Variants in DAB2IP observed in about 807,000 individuals in gnomAD.
The protein encoded by DAB2IP is disabled homolog 2-interacting protein.
DAB2IP carries 28 observed loss-of-function variants against 107.2 expected under a neutral mutation model. The observed-to-expected ratio is 0.26, with a 90% CI of 0.19 to 0.36. DAB2IP has a LOEUF of 0.36. DAB2IP is among the 10% of genes least tolerant of loss of function. The pLI, the probability that DAB2IP is intolerant of heterozygous loss-of-function variation, is 1.00. For synonymous variants in DAB2IP, 755 were observed against 706.4 expected, an observed-to-expected ratio of 1.07 and a Z score of -1.09; for missense variants, 1,400 against 1,644.7, an observed-to-expected ratio of 0.85 and a Z score of 2.57.
At chr9:121,778,847 A>G (rs1454197550) in intron 14 of DAB2IP, among the ~76,000 whole-genome samples, 2 of 149,374 alleles carry the variant, frequency 1.3e-5, no homozygotes, top group African/African-American at 5.0e-5. Context: ...TACTTTATGT[A>G]TCTGTTTTCC....
At chr9:121,728,316 G>A (rs112064195) in intron 3 of DAB2IP, among the ~76,000 whole-genome samples, 4,612 of 152,182 alleles carry the variant, frequency 0.03, 246 homozygotes, top group African/African-American at 0.11. Context: ...ACACCCTGTG[G>A]GCTCATCAGT....
intron 8 of DAB2IP, among the ~76,000 whole-genome samples, chr9:121,765,516 G>C (rs1243386981): frequency 1.3e-5 from 2 of 152,234 alleles, no homozygotes; most frequent in African/African-American, 4.8e-5. Context: ...AGTTGGTCAA[G>C]CCTGTTGTAG....
chr9:121,596,260 G>T (rs1027528968), intron 1 of DAB2IP, among the ~76,000 whole-genome samples: 1 of 152,226 alleles, frequency 6.6e-6, no homozygotes, highest in African/African-American at 2.4e-5. Context: ...GAACCCAGGA[G>T]ACAGAGGTTG....
upstream of DAB2IP, among the ~76,000 whole-genome samples, chr9:121,650,462 A>G (rs1011193516): frequency 3.9e-5 from 6 of 151,978 alleles, no homozygotes; most frequent in Non-Finnish European, 8.8e-5. Context: ...CACCTTCCCC[A>G]CTGTTCTGGA....
chr9:121,645,697 G>A (rs12553641), intron 1 of DAB2IP, among the ~76,000 whole-genome samples: 31,439 of 152,124 alleles, frequency 0.21, 4,007 homozygotes, highest in South Asian at 0.39. Flanking sequence ...GGTCCTCTGG[G>A]TAAGCAGCTG....
intron 2 of DAB2IP, among the ~76,000 whole-genome samples, chr9:121,688,671 C>T (rs374832999): frequency 1.5e-4 from 23 of 152,342 alleles, no homozygotes; most frequent in Middle Eastern, 3.4e-3. Context: ...TCCCACCAGA[C>T]GGTGGTCACC....
At chr9:121,680,282 T>C (rs1828516598) in intron 2 of DAB2IP, among the ~76,000 whole-genome samples, 1 of 152,232 alleles carries the variant, frequency 6.6e-6, no homozygotes, top group Admixed American at 6.5e-5. Flanking sequence ...CAGTATGTTA[T>C]AAAAATGCCT....
In DAB2IP at chr9:121,774,301, C is replaced by T. The variant is rs141080470; in HGVS notation, c.3009C>T (p.Ala1003=). The change falls in exon 13 of 16, where the codon GCC becomes GCT. Residue 1003 remains alanine (A), a synonymous_variant. Transcript: ENST00000408936. Reference sequence around the variant, plus strand: ...GCCCCAATGCCCTGGACCGCACAGCCGCTTGGCTCTTGACCATGAACGCGC... The same window carrying T: ...GCCCCAATGCCCTGGACCGCACAGCTGCTTGGCTCTTGACCATGAACGCGC... 4.0e-5 allele frequency: 64 copies of T among 1,613,472 alleles called. No homozygotes were observed. The highest frequency in any genetic ancestry group is 1.6e-4 in the Middle Eastern group (1 of 6,080).
At chr9:121,610,055 T>G (rs2118973139) in intron 1 of DAB2IP, among the ~76,000 whole-genome samples, 1 of 32,698 alleles carries the variant, frequency 3.1e-5, no homozygotes, top group South Asian at 2.6e-3. Flanking sequence ...TGATTTTGTG[T>G]ATGTGTGTGT....
chr9:121,757,924 G>A lies in DAB2IP; in HGVS notation c.516+758G>A, dbSNP rs144024351. Among the ~76,000 whole-genome samples the A allele has an allele frequency of 1.5e-3, 235 of 152,354 alleles. 2 individuals carry two copies. Among genetic ancestry groups the A allele is most frequent in the African/African-American group, 5.5e-3 (229 of 41,586 alleles). The stretch of plus-strand genomic sequence containing the variant: ...GAAAAGCAGCCACTTGGGGACTAGT[G>A]TGACAATCTCCTGGCACCCCCAGCC... On this transcript the variant is annotated intron_variant, in intron 4 of 15. Transcript: ENST00000408936.
chr9:121,648,966 A>G (rs2119053958), upstream of DAB2IP, among the ~76,000 whole-genome samples: 1 of 152,280 alleles, frequency 6.6e-6, no homozygotes, highest in East Asian at 1.9e-4. Flanking sequence ...ATGGGGGGCC[A>G]GTTTCCCAGC....
rs190304960 is a variant in DAB2IP, at chr9:121,667,935, C to T, written c.125-10743C>T. 3.4e-3 allele frequency among the ~76,000 whole-genome samples: 518 copies of T among 152,156 alleles called. 1 individual carries two copies. Among genetic ancestry groups the T allele is most frequent in the African/African-American group, 0.012 (496 of 41,516 alleles). ...GGCTGGGGAGGACTCAGAATCATGG[C>T]GGGAGGTGAAAGGCACTTCTTACAT... On this transcript the variant is annotated intron_variant, in intron 1 of 15. Transcript: ENST00000408936.
rs1156246932 is a variant in DAB2IP, at chr9:121,736,354, C to T, written c.363-20659C>T. ...GGGCCGGTGGGGACCCAGACTCGCA[C>T]GAAGGTGGGGAAGGAGTTGCAAGGC... On this transcript the variant is annotated intron_variant, in intron 3 of 15. Transcript: ENST00000408936. This position sits in a 1 kb window ranked among gnomAD's most constrained non-coding sequence, Gnocchi z 4.6. 2.0e-5 allele frequency among the ~76,000 whole-genome samples: 3 copies of T among 152,090 alleles called. No individual in the cohort carries two copies. In the East Asian group the frequency reaches 5.8e-4, roughly 29 times the overall value.
At chr9:121,747,909 C>T (rs548655162) in intron 3 of DAB2IP, among the ~76,000 whole-genome samples, 1 of 151,626 alleles carries the variant, frequency 6.6e-6, no homozygotes, top group African/African-American at 2.4e-5. Flanking sequence ...TAAATGTGTT[C>T]CTGAATGTTT....
At chr9:121,729,029 A>G (rs564758184) in intron 3 of DAB2IP, among the ~76,000 whole-genome samples, 1 of 152,322 alleles carries the variant, frequency 6.6e-6, no homozygotes, top group Admixed American at 6.5e-5. Context: ...TAACAACAAC[A>G]ATAGTAATAA....
At position 121,672,833 on chromosome 9, in the gene DAB2IP, T is replaced by C. The variant is rs936857026; in HGVS notation, c.125-5845T>C. Reference sequence around the variant, plus strand: ...ACTGTGTGATCTTAGCAGATTCACTTCACCTCTCTGGGTTTCTACTGGCAC... The same window carrying C: ...ACTGTGTGATCTTAGCAGATTCACTCCACCTCTCTGGGTTTCTACTGGCAC... On this transcript the variant is annotated intron_variant, in intron 1 of 15. Coordinates refer to ENST00000408936, the Ensembl canonical transcript of DAB2IP. Among the ~76,000 whole-genome samples the C allele has an allele frequency of 5.3e-5, 8 of 152,230 alleles. 1 individual carries two copies. Among genetic ancestry groups the C allele is most frequent in the African/African-American group, 1.9e-4 (8 of 41,462 alleles).
At chr9:121,708,446 T>C (rs113624781) in intron 3 of DAB2IP, among the ~76,000 whole-genome samples, 1 of 152,192 alleles carries the variant, frequency 6.6e-6, no homozygotes, top group African/African-American at 2.4e-5. Flanking sequence ...TAGGCTCCCA[T>C]TGTGAAAAGC....
intron 1 of DAB2IP, among the ~76,000 whole-genome samples, chr9:121,620,770 C>G (rs918758182): frequency 6.6e-6 from 1 of 152,132 alleles, no homozygotes; most frequent in Non-Finnish European, 1.5e-5. Flanking sequence ...GAGGTCCTAA[C>G]CCGGGTACCC....
intron 1 of DAB2IP, among the ~76,000 whole-genome samples, chr9:121,653,576 A>G (rs1303516428): frequency 1.3e-5 from 2 of 152,134 alleles, no homozygotes; most frequent in Admixed American, 6.5e-5. Flanking sequence ...GAAAATGCCC[A>G]GTACTGTTCA....
Sources: allele counts gnomAD v4.1 joint callset (sites outside exome capture counted in the v4.1 genomes callset), GRCh38; gene constraint gnomAD v4.1.1; non-coding constraint Gnocchi (gnomAD v3.1); transcripts MANE v1.5; gene names NCBI Gene and HGNC (gene_info 2026-07-23, HGNC 2026-07-21).